Variants in KCNMA1 observed in about 807,000 individuals in gnomAD.
The protein encoded by KCNMA1 is Calcium-activated potassium channel subunit alpha-1.
KCNMA1 carries 29 observed loss-of-function variants against 140.0 expected under a neutral mutation model. The observed-to-expected ratio is 0.21, with a 90% CI of 0.15 to 0.28. KCNMA1 has a LOEUF of 0.28. KCNMA1 is among the 10% of genes least tolerant of loss of function. The probability of loss-of-function intolerance (pLI) is 1.00; values close to 1 mark genes in which losing one functional copy is unlikely to be tolerated. For missense variants in KCNMA1, 880 were observed against 1,602.2 expected (o/e 0.55, Z 7.70); for synonymous variants, 612 against 611.9 (o/e 1.00, Z 0.00).
intron 1 of KCNMA1, among the ~76,000 whole-genome samples, chr10:77,473,010 G>A (rs1238185028): frequency 1.3e-5 from 2 of 152,242 alleles, no homozygotes; most frequent in African/African-American, 4.8e-5. Flanking sequence ...CCACCCACCA[G>A]GGTGCTGTAC....
rs541018708 is a variant in KCNMA1, at chr10:77,263,830, C to T, written c.541-12574G>A. 2.6e-5 allele frequency among the ~76,000 whole-genome samples: 4 copies of T among 152,242 alleles called. No individual in the cohort carries two copies. The South Asian group carries it at 8.3e-4, about 32-fold the overall frequency. On this transcript the variant is annotated intron_variant, in intron 2 of 27. Coordinates refer to ENST00000286628, the MANE Select transcript of KCNMA1 (RefSeq NM_001161352.2). ...TCTGCAGAATCGAATCTGACCATAA[C>T]AATGGACTGGGCTTGCTAAGAATGA... is the stretch of plus-strand genomic sequence containing the variant.
At chr10:77,420,115 T>C (rs2096835877) in intron 1 of KCNMA1, among the ~76,000 whole-genome samples, 1 of 152,178 alleles carries the variant, frequency 6.6e-6, no homozygotes, top group African/African-American at 2.4e-5. Flanking sequence ...AAAGAGTGGG[T>C]CTTCTGCTGC....
At position 77,001,488 on chromosome 10, in the gene KCNMA1, G is replaced by A. The variant is rs747439459; in HGVS notation, c.2185C>T (p.Arg729Cys). ...RDCSCMSGRV[R>C]GNVDTLERAF... ...CTCTCAAGGGTGTCCACGTTACCAC[G>A]CACACGGCCTGACATGCATGAGCAG... is the stretch of plus-strand genomic sequence containing the variant. The change falls in exon 19 of 28, where the codon CGT (arginine) becomes TGT (cysteine). Residue 729 changes from arginine (R) to cysteine (C), a missense_variant. Physicochemically the swap from Arg to Cys is radical, Grantham distance 180. Coordinates refer to ENST00000286628, the MANE Select transcript of KCNMA1 (RefSeq NM_001161352.2). 12 of 1,551,794 alleles carry A rather than the reference G, an allele frequency of 7.7e-6. No individual in the cohort carries two copies. In the Admixed American group the frequency reaches 1.4e-4, roughly 18 times the overall value.
chr10:77,529,592 T>C (rs1418327878), intron 1 of KCNMA1, among the ~76,000 whole-genome samples: 2 of 152,096 alleles, frequency 1.3e-5, no homozygotes, highest in Non-Finnish European at 2.9e-5. Flanking sequence ...AGAAATTATA[T>C]AAATAACAAA....
chr10:77,025,279 T>TAC (rs1235093937), intron 16 of KCNMA1, among the ~76,000 whole-genome samples: 2 of 132,394 alleles, frequency 1.5e-5, no homozygotes, highest in African/African-American at 5.6e-5. Context: ...TATATATATA[T>TAC]ATACACACAC....
chr10:77,385,008 C>A (rs564524952), intron 2 of KCNMA1, among the ~76,000 whole-genome samples: 3 of 152,266 alleles, frequency 2.0e-5, no homozygotes, highest in Admixed American at 2.0e-4. Flanking sequence ...TTCTCTGAGC[C>A]TTGGTTTTCT....
chr10:77,267,262 C>T (rs549885536), intron 2 of KCNMA1, among the ~76,000 whole-genome samples: 5 of 152,218 alleles, frequency 3.3e-5, no homozygotes, highest in South Asian at 2.1e-4. Context: ...GTGGAGCAAG[C>T]GATGAAGTCC....
At chr10:77,399,333 G>A (rs143876719) in intron 2 of KCNMA1, among the ~76,000 whole-genome samples, 169 of 152,230 alleles carry the variant, frequency 1.1e-3, no homozygotes, top group Middle Eastern at 3.4e-3. Flanking sequence ...CGCATGAGCC[G>A]ACTCCAAATC....
chr10:76,922,015 C>T (rs2055998284), intron 23 of KCNMA1, among the ~76,000 whole-genome samples: 1 of 152,150 alleles, frequency 6.6e-6, no homozygotes, highest in African/African-American at 2.4e-5. Flanking sequence ...GAGGTAGCCC[C>T]CAACAAGGTG....
At chr10:77,318,334 A>C (rs1426274340) in intron 2 of KCNMA1, among the ~76,000 whole-genome samples, 1 of 152,148 alleles carries the variant, frequency 6.6e-6, no homozygotes, top group Non-Finnish European at 1.5e-5. Context: ...GAGAGGTTAA[A>C]CGTGAGGCTC....
intron 2 of KCNMA1, among the ~76,000 whole-genome samples, chr10:77,282,462 A>T (rs754195034): frequency 3.5e-4 from 53 of 152,256 alleles, no homozygotes; most frequent in Non-Finnish European, 7.1e-4. Context: ...TCTCAAGCCA[A>T]GCATTCTTCT....
At chr10:77,273,194 T>C (rs1264966428) in intron 2 of KCNMA1, among the ~76,000 whole-genome samples, 1 of 152,202 alleles carries the variant, frequency 6.6e-6, no homozygotes, top group Non-Finnish European at 1.5e-5. Flanking sequence ...TTCATCTTTT[T>C]TCTCTCTCTC....
intron 1 of KCNMA1, among the ~76,000 whole-genome samples, chr10:77,575,456 T>G (rs1174414423): frequency 6.6e-6 from 1 of 152,148 alleles, no homozygotes; most frequent in Non-Finnish European, 1.5e-5. Context: ...CAATCCTGCC[T>G]CCTCCAAAAC....
chr10:77,088,402 C>T (rs1185780451), intron 10 of KCNMA1, among the ~76,000 whole-genome samples: 1 of 152,110 alleles, frequency 6.6e-6, no homozygotes, highest in East Asian at 1.9e-4. Flanking sequence ...AAGGTGAATC[C>T]TAGCAATGGA....
At chr10:77,205,102 T>G (rs182798117) in intron 3 of KCNMA1, among the ~76,000 whole-genome samples, 1 of 152,322 alleles carries the variant, frequency 6.6e-6, no homozygotes, top group African/African-American at 2.4e-5. Flanking sequence ...CCTTCTCTGC[T>G]GCAAACCTGC....
intron 2 of KCNMA1, among the ~76,000 whole-genome samples, chr10:77,340,763 A>G (rs567514693): frequency 6.6e-6 from 1 of 152,182 alleles, no homozygotes; most frequent in Admixed American, 6.5e-5. Context: ...CCTAATGTAA[A>G]TGATGAGTTA....
At chr10:77,169,681 A>G (rs2098681778) in intron 5 of KCNMA1, among the ~76,000 whole-genome samples, 1 of 152,158 alleles carries the variant, frequency 6.6e-6, no homozygotes, top group Admixed American at 6.5e-5. Flanking sequence ...CACTCAGCCA[A>G]GTTTTTACAA....
intron 1 of KCNMA1, among the ~76,000 whole-genome samples, chr10:77,616,840 T>C (rs1452788624): frequency 1.3e-5 from 2 of 150,420 alleles, no homozygotes; most frequent in Non-Finnish European, 2.9e-5. Flanking sequence ...TACTAGGAAC[T>C]GTTTGAGGGC....
downstream of KCNMA1, chr10:76,873,639 C>T (rs1176445614): frequency 6.6e-6 from 1 of 152,142 alleles, no homozygotes; most frequent in African/African-American, 2.4e-5. Flanking sequence ...AGATTCTGCC[C>T]TGGAACTCAG....
Sources: allele counts gnomAD v4.1 joint callset (sites outside exome capture counted in the v4.1 genomes callset), GRCh38; gene constraint gnomAD v4.1.1; transcripts MANE v1.5; gene names NCBI Gene and HGNC (gene_info 2026-07-23, HGNC 2026-07-21).